C1orf159: variants seen among roughly 807,000 people sequenced by gnomAD.
C1orf159 encodes chromosome 1 open reading frame 159, also known as uncharacterized protein C1orf159.
In C1orf159, 19 loss-of-function variants were observed where a neutral mutation model predicts 25.6. The ratio of observed to expected loss-of-function variants is 0.74; its 90% CI spans 0.52 to 1.09. The LOEUF (loss-of-function observed/expected upper bound fraction) is 1.09. C1orf159 is among the 50% of genes least tolerant of loss of function. The pLI is 0.00. For missense variants in C1orf159, 274 were observed against 290.6 expected, an observed-to-expected ratio of 0.94 and a Z score of 0.42; for synonymous variants, 139 against 124.7, an observed-to-expected ratio of 1.12 and a Z score of -0.77.
intron 1 of C1orf159, among the ~76,000 whole-genome samples, chr1:1,111,445 G>C (rs1401226132): frequency 1.3e-5 from 2 of 151,448 alleles, no homozygotes; most frequent in Non-Finnish European, 2.9e-5. Context: ...TGAAGTGAAA[G>C]AATCTCTTGA....
At chr1:1,084,176 G>C in intron 9 of C1orf159, 177 bp downstream of exon 9, 14 of 1,532,804 alleles carry the variant, frequency 9.1e-6, no homozygotes, top group Non-Finnish European at 1.2e-5. Flanking sequence ...TCCAGAGCAG[G>C]GGGCACCAGC....
At chr1:1,112,309 T>A (rs1646268374) in intron 1 of C1orf159, among the ~76,000 whole-genome samples, 1 of 152,264 alleles carries the variant, frequency 6.6e-6, no homozygotes, top group South Asian at 2.1e-4. Flanking sequence ...AACCGTTCTA[T>A]GACCTTCTAG....
chr1:1,083,067 G>T, intron 9 of C1orf159, 80 bp from the exon 10 acceptor site: 4 of 1,238,086 alleles, frequency 3.2e-6, no homozygotes, highest in Non-Finnish European at 4.5e-6. Flanking sequence ...CTCACCGGAG[G>T]CTCTCGGGAG....
At chr1:1,084,652 G>T in intron 7 of C1orf159, 146 bp from the exon 8 acceptor site, 1 of 1,002,370 alleles carries the variant, frequency 1.0e-6, no homozygotes, top group Non-Finnish European at 1.5e-6. Flanking sequence ...CCCCGGGGCT[G>T]CAGGGTCTCC....
intron 4 of C1orf159, 73 bp downstream of exon 4, chr1:1,090,275 CGAGGG>C (rs1645906864): frequency 7.1e-7 from 1 of 1,408,836 alleles, no homozygotes. Context: ...TCCTTGTCAC[CGAGGG>C]GAGGGCCCTG....
intron 6 of C1orf159, among the ~76,000 whole-genome samples, chr1:1,086,373 C>T (rs1363355270): frequency 6.6e-6 from 1 of 152,170 alleles, no homozygotes; most frequent in Admixed American, 6.5e-5. Flanking sequence ...GTTCCTTCCT[C>T]CGGGCTCAGC....
At chr1:1,105,444 T>C (rs6656379) in intron 1 of C1orf159, among the ~76,000 whole-genome samples, 37,888 of 151,928 alleles carry the variant, frequency 0.25, 6,550 homozygotes, top group African/African-American at 0.5. Context: ...AGGTTGAGGC[T>C]GCAGTGAGCC....
chr1:1,090,671 TG>T, intron 3 of C1orf159: 1 of 694,346 alleles, frequency 1.4e-6, no homozygotes, highest in Non-Finnish European at 2.5e-6. Context: ...AAGCTGGGCC[TG>T]GAAGAGTAAA....
At chr1:1,100,117 C>T (rs780590738) in intron 1 of C1orf159, among the ~76,000 whole-genome samples, 5 of 149,770 alleles carry the variant, frequency 3.3e-5, no homozygotes, top group African/African-American at 1.0e-4. Flanking sequence ...AATACATAGA[C>T]GGACAGACAG....
In C1orf159 at chr1:1,087,577, C is replaced by A; in HGVS notation, c.169G>T (p.Ala57Ser). Residue 57 changes from alanine to serine, a missense_variant, in exon 5 of 10, where the codon GCG (alanine) becomes TCG (serine). By Grantham distance (99) the Ala-to-Ser change is moderately conservative (BLOSUM62 1). Transcript: ENST00000421241. This position sits in a 1 kb window ranked among gnomAD's most constrained non-coding sequence, Gnocchi z 8.3. The stretch of plus-strand genomic sequence containing the variant: ...CGGACGCAGCTGGCGCTCCCGTCCG[C>A]GTTCCAGCGCCTGTAACAGCCTGCG... ...CGPGCYRRWN[A>S]DGSASCVRCG... is the part of the protein sequence containing the mutation. 6.5e-7 allele frequency: 1 copy of A among 1,547,942 alleles called. No individual in the cohort carries two copies.
chr1:1,113,792 G>A (rs565503782), intron 1 of C1orf159, among the ~76,000 whole-genome samples: 3 of 152,216 alleles, frequency 2.0e-5, no homozygotes, highest in Non-Finnish European at 4.4e-5. Flanking sequence ...GGAGGCTTCC[G>A]GGGTGTTACG....
rs759353854 is a variant in C1orf159 at position 1,087,094 on chromosome 1, C to G, written c.310+45G>C. On this transcript the variant is annotated intron_variant, in intron 6 of 9. Transcript: ENST00000421241. The surrounding 1 kb of genome is among the most constrained non-coding windows in gnomAD (Gnocchi z 8.3). Reference sequence around the variant, plus strand: ...CTGCACTGGCTCCGACGGCCCCCAGCCCCCAGGACACCGGCAGAGGTGGCT... The same window carrying G: ...CTGCACTGGCTCCGACGGCCCCCAGGCCCCAGGACACCGGCAGAGGTGGCT... The G allele has an allele frequency of 1.9e-6, 3 of 1,572,518 alleles. No individual in the cohort carries two copies. The highest frequency in any genetic ancestry group is 2.6e-6 in the Non-Finnish European group (3 of 1,155,532).
In C1orf159 at chr1:1,110,945, G is replaced by T. The variant is rs896630473; in HGVS notation, c.-136+5115C>A. On this transcript the variant is annotated intron_variant, in intron 1 of 9. Coordinates refer to ENST00000421241, the MANE Select transcript of C1orf159 (RefSeq NM_017891.5). This position sits in a 1 kb window ranked among gnomAD's most constrained non-coding sequence, Gnocchi z 4.8. ...CTCCTGTCTGGCGCGGCAGGCGGGCGCTGGAGCAGCCTGCGAGGCAATCTC... is the reference window on the plus strand; with the variant it reads ...CTCCTGTCTGGCGCGGCAGGCGGGCTCTGGAGCAGCCTGCGAGGCAATCTC... 1.3e-5 allele frequency among the ~76,000 whole-genome samples: 2 copies of T among 152,248 alleles called. No individual in the cohort carries two copies. The highest frequency in any genetic ancestry group is 3.8e-4 in the East Asian group (2 of 5,198).
At chr1:1,084,673 C>T (rs1019234713) in intron 7 of C1orf159, among the ~76,000 whole-genome samples, 167 bp from the exon 8 acceptor site, 1 of 152,124 alleles carries the variant, frequency 6.6e-6, no homozygotes, top group Non-Finnish European at 1.5e-5. Context: ...CCCAACCTCT[C>T]CCTGCGGTGC....
intron 1 of C1orf159, among the ~76,000 whole-genome samples, chr1:1,114,871 A>C: frequency 7.0e-6 from 1 of 143,218 alleles, no homozygotes; most frequent in Admixed American, 6.9e-5. Context: ...CTCGGAGGGA[A>C]GGGTGGGAGG....
intron 2 of C1orf159, 153 bp downstream of exon 2, chr1:1,091,838 G>A (rs1645943874): frequency 6.0e-6 from 3 of 502,194 alleles, no homozygotes; most frequent in Non-Finnish European, 1.1e-5. Context: ...CGGGGCCGCG[G>A]CAGATGACTG....
In C1orf159 at chr1:1,094,091, CT is replaced by C. The variant is rs34691314; in HGVS notation, c.-135-1989del. On this transcript the variant is annotated intron_variant, in intron 1 of 9. Coordinates refer to ENST00000421241, the MANE Select transcript of C1orf159 (RefSeq NM_017891.5). ...AATTGGGTGGAGTTGCAACATATAC[CT>C]TTTTTTTTTTGGCAGGGGTGGGGGG... Among the ~76,000 whole-genome samples the C allele has an allele frequency of 5.8e-3, 847 of 145,084 alleles. 7 individuals carry two copies. The highest frequency in any genetic ancestry group is 0.019 in the African/African-American group (739 of 39,718).
intron 1 of C1orf159, among the ~76,000 whole-genome samples, chr1:1,098,761 G>A (rs190723968): frequency 3.1e-4 from 47 of 152,182 alleles, no homozygotes; most frequent in African/African-American, 1.0e-3. Flanking sequence ...ACAGCTGCCC[G>A]CCACCACGTC....
chr1:1,097,532 C>T (rs1646024650), intron 1 of C1orf159, among the ~76,000 whole-genome samples: 1 of 152,018 alleles, frequency 6.6e-6, no homozygotes, highest in Non-Finnish European at 1.5e-5. Context: ...CCCACCTCAG[C>T]CTTCTGACTA....
Sources: gnomAD v4.1 joint callset for allele counts (sites outside exome capture counted in the v4.1 genomes callset) on GRCh38, gnomAD v4.1.1 for gene constraint, Gnocchi (gnomAD v3.1) non-coding constraint, MANE v1.5 for transcripts, NCBI Gene and HGNC (gene_info 2026-07-23, HGNC 2026-07-21) for gene names.